Variants in ZNF804B observed in about 807,000 individuals in gnomAD.
ZNF804B encodes the protein zinc finger 804B.
Under a neutral mutation model 101.4 loss-of-function variants are expected in ZNF804B, and 80 were observed. The ratio of observed to expected loss-of-function variants is 0.79; its 90% CI spans 0.66 to 0.95. ZNF804B has a LOEUF of 0.95. Ranked by LOEUF, ZNF804B falls within the 40% of genes least tolerant of loss-of-function variation. ZNF804B has a pLI of 0.00. For synonymous variants in ZNF804B, 622 were observed against 558.8 expected (o/e 1.11, Z -1.59); for missense variants, 1,673 against 1,561.9 (o/e 1.07, Z -1.20).
At chr7:89,105,503 C>T (rs1790120705) in intron 1 of ZNF804B, among the ~76,000 whole-genome samples, 1 of 152,008 alleles carries the variant, frequency 6.6e-6, no homozygotes, top group Admixed American at 6.6e-5. Flanking sequence ...ATTCTTTCCC[C>T]AGCCCATATG....
intron 1 of ZNF804B, among the ~76,000 whole-genome samples, chr7:88,987,242 T>C (rs1793771056): frequency 6.6e-6 from 1 of 152,156 alleles, no homozygotes; most frequent in Admixed American, 6.6e-5. Context: ...ACAGTATTTA[T>C]ATTATTACAC....
At chr7:89,131,256 A>C (rs1338416217) in intron 1 of ZNF804B, among the ~76,000 whole-genome samples, 2 of 152,088 alleles carry the variant, frequency 1.3e-5, no homozygotes, top group Non-Finnish European at 2.9e-5. Flanking sequence ...AATATCTTCA[A>C]CACTATGGGA....
At position 89,131,481 on chromosome 7, in the gene ZNF804B, G is replaced by T. The variant is rs57809521; in HGVS notation, c.109-86674G>T. 7.5e-3 allele frequency among the ~76,000 whole-genome samples: 1,134 copies of T among 152,034 alleles called. 16 individuals carry two copies. Among genetic ancestry groups the T allele is most frequent in the African/African-American group, 0.026 (1,060 of 41,512 alleles). Reference sequence around the variant, plus strand: ...GTTATGCCTAACATGGACCGATGTTGGTTGAAAGGTAGATAGACCCCATAA... The same window carrying T: ...GTTATGCCTAACATGGACCGATGTTTGTTGAAAGGTAGATAGACCCCATAA... On this transcript the variant is annotated intron_variant, in intron 1 of 3. Transcript: ENST00000333190.
chr7:88,977,213 CT>C, intron 1 of ZNF804B, among the ~76,000 whole-genome samples: 1 of 150,556 alleles, frequency 6.6e-6, no homozygotes, highest in African/African-American at 2.4e-5. Flanking sequence ...TGATGAGTCT[CT>C]GTCTCTGCCT....
chr7:89,056,031 A>G (rs772995122), intron 1 of ZNF804B, among the ~76,000 whole-genome samples: 25 of 152,092 alleles, frequency 1.6e-4, no homozygotes, highest in Admixed American at 6.6e-5. Flanking sequence ...AGATGAGGAA[A>G]TTCCAAAGAG....
chr7:88,830,043 G>A (rs1360929722), intron 1 of ZNF804B, among the ~76,000 whole-genome samples: 1 of 152,050 alleles, frequency 6.6e-6, no homozygotes, highest in East Asian at 1.9e-4. Context: ...TTCTACTGAC[G>A]TTTTGCCATG....
chr7:88,821,676 T>C (rs901961561), intron 1 of ZNF804B, among the ~76,000 whole-genome samples: 2 of 152,174 alleles, frequency 1.3e-5, no homozygotes, highest in African/African-American at 4.8e-5. Context: ...AAATATTGGC[T>C]TCTTTTCTTT....
intron 1 of ZNF804B, among the ~76,000 whole-genome samples, chr7:89,171,288 G>GCTTCTTCTTCTCCTTCTTCTT (rs1791223066): frequency 2.4e-5 from 2 of 82,484 alleles, no homozygotes. Context: ...TGCTGCTGCT[G>GCTTCTTCTTCTCCTTCTTCTT]CTTCTTCTTC....
At chr7:89,251,906 T>A (rs1789547133) in intron 2 of ZNF804B, among the ~76,000 whole-genome samples, 2 of 152,156 alleles carry the variant, frequency 1.3e-5, no homozygotes, top group Admixed American at 6.5e-5. Context: ...AAAAATTAAG[T>A]CAAGATGTAT....
chr7:89,234,413 C>T (rs902235690), intron 2 of ZNF804B, among the ~76,000 whole-genome samples: 4 of 152,080 alleles, frequency 2.6e-5, no homozygotes, highest in African/African-American at 4.8e-5. Flanking sequence ...GTATAATCTA[C>T]TTAACCTCTT....
At chr7:89,178,793 A>T (rs1788247204) in intron 1 of ZNF804B, among the ~76,000 whole-genome samples, 1 of 152,050 alleles carries the variant, frequency 6.6e-6, no homozygotes, top group Admixed American at 6.6e-5. Flanking sequence ...CTTATTGCTT[A>T]TTAACATCTG....
intron 1 of ZNF804B, among the ~76,000 whole-genome samples, chr7:88,873,731 CT>C (rs1395294652): frequency 2.6e-5 from 4 of 151,978 alleles, no homozygotes; most frequent in African/African-American, 4.8e-5. Context: ...TATGGAATCC[CT>C]TTTGCATTGC....
At chr7:89,193,873 C>T (rs1010483574) in intron 1 of ZNF804B, among the ~76,000 whole-genome samples, 1 of 151,972 alleles carries the variant, frequency 6.6e-6, no homozygotes, top group Non-Finnish European at 1.5e-5. Context: ...TTCTAGATCC[C>T]TGAGGAATCG....
At chr7:89,268,507 C>T (rs1789833786) in intron 2 of ZNF804B, among the ~76,000 whole-genome samples, 1 of 152,008 alleles carries the variant, frequency 6.6e-6, no homozygotes, top group Non-Finnish European at 1.5e-5. Context: ...AGCTTTTTAA[C>T]AGTCTGCAGT....
chr7:88,972,606 A>G (rs369909478), intron 1 of ZNF804B, among the ~76,000 whole-genome samples: 1 of 151,406 alleles, frequency 6.6e-6, no homozygotes, highest in East Asian at 2.0e-4. Flanking sequence ...ACAAAATACA[A>G]CATTCTATTG....
intron 1 of ZNF804B, among the ~76,000 whole-genome samples, chr7:88,764,193 G>A (rs1789945403): frequency 6.6e-6 from 1 of 152,034 alleles, no homozygotes; most frequent in African/African-American, 2.4e-5. Context: ...TATCATTCGG[G>A]ATACCTATTG....
At chr7:89,329,748 T>G (rs1222269511) in intron 3 of ZNF804B, among the ~76,000 whole-genome samples, 1 of 151,662 alleles carries the variant, frequency 6.6e-6, no homozygotes, top group Non-Finnish European at 1.5e-5. Context: ...CATCTTAATA[T>G]GGAAATTTTT....
chr7:88,916,380 C>T (rs550657830), intron 1 of ZNF804B, among the ~76,000 whole-genome samples: 19 of 152,110 alleles, frequency 1.2e-4, no homozygotes, highest in African/African-American at 4.3e-4. Flanking sequence ...TTCTGAGATT[C>T]TTGTATATTA....
At chr7:89,302,062 ATATAT>A (rs1339696045) in intron 2 of ZNF804B, among the ~76,000 whole-genome samples, 1 of 104,654 alleles carries the variant, frequency 9.6e-6, no homozygotes, top group Non-Finnish European at 2.3e-5. Flanking sequence ...TTGCTGTTAT[ATATAT>A]TATGAGACAT....
Sources: allele counts gnomAD v4.1 joint callset (sites outside exome capture counted in the v4.1 genomes callset), GRCh38; gene constraint gnomAD v4.1.1; transcripts MANE v1.5; gene names NCBI Gene and HGNC (gene_info 2026-07-23, HGNC 2026-07-21).